SPTB: variants seen among roughly 807,000 people sequenced by gnomAD.
SPTB encodes the protein spectrin beta chain, erythrocytic.
Under a neutral mutation model 256.2 loss-of-function variants are expected in SPTB, and 45 were observed. The observed-to-expected ratio is 0.18, with a 90% CI of 0.14 to 0.23. The LOEUF is 0.23. Among genes scored for constraint, SPTB ranks in the 10% least tolerant of loss-of-function variants. The pLI, the probability that SPTB is intolerant of heterozygous loss-of-function variation, is 1.00. For synonymous variants in SPTB, 1,231 were observed against 1,243.1 expected, an observed-to-expected ratio of 0.99 and a Z score of 0.21; for missense variants, 2,715 against 3,040.4, an observed-to-expected ratio of 0.89 and a Z score of 2.52.
rs148616206 is a variant in SPTB, at chr14:64,862,703, G to A, written c.-52+17089C>T. On this transcript the variant is annotated intron_variant, in intron 1 of 35. Coordinates refer to ENST00000644917, the MANE Select transcript of SPTB (RefSeq NM_001355436.2). ...AGCCTGGCCAACATGGTGAAACCCC[G>A]TCTCTACTAAAAATACGAAAAATTA... 2.3e-3 allele frequency among the ~76,000 whole-genome samples: 352 copies of A among 151,952 alleles called. 2 individuals carry two copies. Among genetic ancestry groups the A allele is most frequent in the African/African-American group, 8.1e-3 (334 of 41,462 alleles).
In SPTB at chr14:64,773,439, C is replaced by T; in HGVS notation, c.4974-15G>A. ...TGATCTGTTCCCTGGAATTCAAAAC[C>T]AAAAAGGCCCTCAGAGACGGCAGCC... On this transcript the variant is annotated splice_polypyrimidine_tract_variant and intron_variant, in intron 24 of 35. Transcript: ENST00000644917. The T allele has an allele frequency of 6.2e-7, 1 of 1,613,018 alleles. No homozygotes were observed. The highest frequency in any genetic ancestry group is 8.5e-7 in the Non-Finnish European group (1 of 1,179,984).
At chr14:64,803,476 C>G (rs961441591) in intron 4 of SPTB, 131 bp downstream of exon 4, 70 of 1,146,470 alleles carry the variant, frequency 6.1e-5, no homozygotes, top group Admixed American at 1.4e-4. Context: ...AAGCACTGTC[C>G]CATGTGGCAG....
intron 2 of SPTB, among the ~76,000 whole-genome samples, chr14:64,809,921 T>C (rs2083056865): frequency 6.6e-6 from 1 of 152,178 alleles, no homozygotes; most frequent in Non-Finnish European, 1.5e-5. Flanking sequence ...ATCATCAAGA[T>C]ATCAATTTAC....
At chr14:64,767,561 C>G (rs1357196084) in intron 30 of SPTB, 102 bp downstream of exon 30, 4 of 1,505,950 alleles carry the variant, frequency 2.7e-6, no homozygotes, top group Non-Finnish European at 3.7e-6. Flanking sequence ...AAGCCTGTCA[C>G]ACCATTCTAA....
Position 64,771,099 on chromosome 14 carries a change from G to C in SPTB, c.5584C>G (p.Leu1862Val), listed in dbSNP as rs2082272959. ...TTCTCCCCAGCATATGCTGTCTGCAGACGGGTGGCCACGTCCTGGAACTGC... is the reference window on the plus strand; with the variant it reads ...TTCTCCCCAGCATATGCTGTCTGCACACGGGTGGCCACGTCCTGGAACTGC... ...VQQFQDVATR[L>V]QTAYAGEKAE... Residue 1862 changes from leucine (L) to valine (V), a missense_variant, in exon 27 of 36, where the codon CTG becomes GTG. Physicochemically the swap from Leu to Val is conservative, Grantham distance 32 (BLOSUM62 1). Around this residue, in one of 4 missense-constraint regions of SPTB, gnomAD observed 2,239 missense variants for 2,384.4 expected, o/e 0.94. Transcript: ENST00000644917. 6.2e-7 allele frequency: 1 copy of C among 1,614,052 alleles called. No individual in the cohort carries two copies. The highest frequency in any genetic ancestry group is 1.3e-5 in the African/African-American group (1 of 75,066).
Position 64,845,222 on chromosome 14 carries a change from T to C in SPTB, c.-51-22077A>G, listed in dbSNP as rs1045856544. On this transcript the variant is annotated intron_variant, in intron 1 of 35. Coordinates refer to ENST00000644917, the MANE Select transcript of SPTB (RefSeq NM_001355436.2). This position sits in a 1 kb window ranked among gnomAD's most constrained non-coding sequence, Gnocchi z 4.8. ...TTGCTACACCCACTGCATGTGGACA[T>C]CCTTATCAGAAAATAGCCACTTAGC... 3.3e-5 allele frequency among the ~76,000 whole-genome samples: 5 copies of C among 152,218 alleles called. No individual in the cohort carries two copies. The highest frequency in any genetic ancestry group is 7.4e-5 in the Non-Finnish European group (5 of 68,026).
intron 32 of SPTB, chr14:64,754,062 T>G: frequency 3.6e-6 from 2 of 558,176 alleles, no homozygotes; most frequent in Non-Finnish European, 6.4e-6. Flanking sequence ...CAATGTAACA[T>G]AGCAACGGAA....
intron 32 of SPTB, 154 bp downstream of exon 32, chr14:64,766,572 G>A (rs369201774): frequency 6.3e-7 from 1 of 1,590,846 alleles, no homozygotes. Flanking sequence ...GACGTAGCCT[G>A]CTCTGCTGGG....
intron 2 of SPTB, among the ~76,000 whole-genome samples, chr14:64,820,292 T>C (rs2083265084): frequency 6.6e-6 from 1 of 152,144 alleles, no homozygotes; most frequent in South Asian, 2.1e-4. Context: ...AGTCAAGACG[T>C]TGAGACTAGG....
chr14:64,828,211 G>T (rs1027100685), intron 1 of SPTB, among the ~76,000 whole-genome samples: 1 of 151,942 alleles, frequency 6.6e-6, no homozygotes, highest in African/African-American at 2.4e-5. Flanking sequence ...CTGTCACCCG[G>T]CAGGGGCTTT....
intron 15 of SPTB, among the ~76,000 whole-genome samples, chr14:64,788,461 C>G (rs367686887): frequency 6.6e-6 from 1 of 152,096 alleles, no homozygotes; most frequent in Non-Finnish European, 1.5e-5. Context: ...GGAGAGAGAG[C>G]CTGCAGATTT....
At chr14:64,768,096 C>T in intron 29 of SPTB, 1 of 585,438 alleles carries the variant, frequency 1.7e-6, no homozygotes, top group South Asian at 1.9e-5. Context: ...GGCTGGAGTG[C>T]AGTGATGTGA....
rs1438457089 is a variant in SPTB, at chr14:64,786,136, A to G, written c.3562-185T>C. On this transcript the variant is annotated intron_variant, in intron 16 of 35. Transcript: ENST00000644917. This position sits in a 1 kb window ranked among gnomAD's most constrained non-coding sequence, Gnocchi z 5.6. ...CACCCCTACCCCAGGGGCACACAAT[A>G]AACAGTGTGCCTAAAGCCACATGGA... 6.6e-6 allele frequency among the ~76,000 whole-genome samples: 1 copy of G among 152,000 alleles called. No homozygotes were observed. The highest frequency in any genetic ancestry group is 2.4e-5 in the African/African-American group (1 of 41,370).
intron 1 of SPTB, among the ~76,000 whole-genome samples, chr14:64,848,435 G>A (rs1165999079): frequency 3.3e-5 from 5 of 152,256 alleles, no homozygotes; most frequent in Admixed American, 1.3e-4. Flanking sequence ...TGACCTCATC[G>A]TTTCTCTCTT....
chr14:64,813,418 G>A (rs1276072579), intron 2 of SPTB, among the ~76,000 whole-genome samples: 2 of 152,194 alleles, frequency 1.3e-5, no homozygotes, highest in East Asian at 3.9e-4. Context: ...TTCATGGTGA[G>A]CTCTTTGCAG....
At chr14:64,835,623 C>T (rs1025825104) in intron 1 of SPTB, among the ~76,000 whole-genome samples, 3 of 152,184 alleles carry the variant, frequency 2.0e-5, no homozygotes, top group African/African-American at 7.2e-5. Context: ...CGATTCAGCC[C>T]TGTGCTGGGC....
intron 8 of SPTB, 95 bp downstream of exon 8, chr14:64,800,661 A>G: frequency 9.1e-7 from 1 of 1,099,376 alleles, no homozygotes; most frequent in Non-Finnish European, 1.4e-6. Flanking sequence ...GGTGAGCTGT[A>G]CTCTTCACCC....
At chr14:64,876,124 C>T (rs1261559651) in intron 1 of SPTB, among the ~76,000 whole-genome samples, 1 of 152,060 alleles carries the variant, frequency 6.6e-6, no homozygotes, top group African/African-American at 2.4e-5. Context: ...GCCACTATAC[C>T]TGGCTTTTTT....
rs1001766725 is a variant in SPTB, at chr14:64,826,772, T to C, written c.-51-3627A>G. Among the ~76,000 whole-genome samples, 2 of 151,962 alleles carry C rather than the reference T, an allele frequency of 1.3e-5. No individual in the cohort carries two copies. Among genetic ancestry groups the C allele is most frequent in the Non-Finnish European group, 2.9e-5 (2 of 67,996 alleles). On this transcript the variant is annotated intron_variant, in intron 1 of 35. Coordinates refer to ENST00000644917, the MANE Select transcript of SPTB (RefSeq NM_001355436.2). This position sits in a 1 kb window ranked among gnomAD's most constrained non-coding sequence, Gnocchi z 4.4. ...GAGGTCCACCTGCCCCATCCATCCA[T>C]CCACCTGCCCGTCTAGCAGCTCTAA...
Sources: allele counts gnomAD v4.1 joint callset (sites outside exome capture counted in the v4.1 genomes callset), GRCh38; gene constraint gnomAD v4.1.1; regional missense constraint gnomAD v4.1.1; non-coding constraint Gnocchi (gnomAD v3.1); transcripts MANE v1.5; gene names NCBI Gene and HGNC (gene_info 2026-07-23, HGNC 2026-07-21).